Variants in PIK3C3 observed in about 807,000 individuals in gnomAD.
The protein encoded by PIK3C3 is phosphatidylinositol 3-kinase catalytic subunit type 3, also known as PI3-kinase type 3.
A neutral mutation model predicts 126.1 loss-of-function variants in PIK3C3; 95 were observed. The observed-to-expected ratio is 0.75, with a 90% CI of 0.64 to 0.89. PIK3C3 has a LOEUF of 0.89. PIK3C3 is among the 40% of genes least tolerant of loss of function. The pLI is 0.00. For synonymous variants in PIK3C3, 374 were observed against 360.0 expected, an observed-to-expected ratio of 1.04 and a Z score of -0.44; for missense variants, 829 against 1,063.2, an observed-to-expected ratio of 0.78 and a Z score of 3.06.
intron 4 of PIK3C3, chr18:41,970,702 C>G (rs1044279142): frequency 6.6e-5 from 39 of 595,278 alleles, no homozygotes; most frequent in Non-Finnish European, 9.8e-5. Flanking sequence ...ATTTTTTCAT[C>G]ACCCCTAAAA....
At chr18:41,984,005 C>T (rs1180784641) in intron 4 of PIK3C3, among the ~76,000 whole-genome samples, 2 of 150,300 alleles carry the variant, frequency 1.3e-5, no homozygotes, top group Admixed American at 1.3e-4. Flanking sequence ...TTGTGACTTC[C>T]TGTGAATTCT....
rs561525258 is a variant in PIK3C3, at chr18:41,957,462, G to A, written c.69-108G>A. On this transcript the variant is annotated intron_variant, in intron 1 of 24. Transcript: ENST00000262039. ...CAAAGGTAAACTTTTTAGTACTTAT[G>A]CATATATGTACATGCTTAAAGCATA... 109 of 1,017,342 alleles carry A rather than the reference G, an allele frequency of 1.1e-4. No individual in the cohort carries two copies. In the African/African-American group the frequency reaches 1.8e-3, roughly 17 times the overall value. The allele number at this position is 1,017,342 out of a possible 1,614,324, so 63.0% of individuals were successfully genotyped here.
rs146924317 is a variant in PIK3C3, at chr18:42,069,853, A to G, written c.2649+2340A>G. Among the ~76,000 whole-genome samples, 1,480 of 152,330 alleles carry G rather than the reference A, an allele frequency of 9.7e-3. 16 individuals are homozygous for G. Among genetic ancestry groups the G allele is most frequent in the African/African-American group, 0.034 (1,407 of 41,566 alleles). On this transcript the variant is annotated intron_variant, in intron 24 of 24. Transcript: ENST00000262039. ...CCTAACACTGATTTCAGTAATCTAT[A>G]GCTACACAAGCATCTCCAGACTTAG...
At chr18:42,017,654 G>A (rs1373563166) in intron 12 of PIK3C3, among the ~76,000 whole-genome samples, 1 of 151,982 alleles carries the variant, frequency 6.6e-6, no homozygotes, top group Non-Finnish European at 1.5e-5. Context: ...CTTTATCACT[G>A]TTTGGTAACC....
At chr18:41,999,791 G>A (rs1400498875) in intron 9 of PIK3C3, among the ~76,000 whole-genome samples, 1 of 152,142 alleles carries the variant, frequency 6.6e-6, no homozygotes, top group African/African-American at 2.4e-5. Flanking sequence ...CATGAGGAAG[G>A]TTTCACAGAA....
intron 13 of PIK3C3, among the ~76,000 whole-genome samples, chr18:42,021,958 A>G (rs535304527): frequency 2.0e-5 from 3 of 152,262 alleles, no homozygotes; most frequent in Non-Finnish European, 4.4e-5. Flanking sequence ...ATGATGAGGT[A>G]TTTTGCTTTT....
At chr18:41,957,806 T>C in intron 2 of PIK3C3, 48 bp downstream of exon 2, 1 of 1,363,782 alleles carries the variant, frequency 7.3e-7, no homozygotes, top group South Asian at 1.4e-5. Context: ...TTCTTACCTT[T>C]CTTTATGGAT....
At chr18:41,996,461 T>G (rs1040941760) in intron 8 of PIK3C3, among the ~76,000 whole-genome samples, 177 bp from the exon 9 acceptor site, 1 of 152,160 alleles carries the variant, frequency 6.6e-6, no homozygotes, top group Non-Finnish European at 1.5e-5. Context: ...TTAAACTGCA[T>G]TTTGGACACA....
rs531011937 is a variant in PIK3C3, at chr18:42,038,466, C to T, written c.1969-315C>T. Reference sequence around the variant, plus strand: ...AAGCAATTCTCCTGCCTCAGCCTCCCGAGTAGTTGGGACTACAGGCATGCA... The same window carrying T: ...AAGCAATTCTCCTGCCTCAGCCTCCTGAGTAGTTGGGACTACAGGCATGCA... On this transcript the variant is annotated intron_variant, in intron 17 of 24. Coordinates refer to ENST00000262039, the MANE Select transcript of PIK3C3 (RefSeq NM_002647.4). Among the ~76,000 whole-genome samples the T allele has an allele frequency of 3.3e-4, 50 of 152,068 alleles. No individual in the cohort carries two copies. In the South Asian group the frequency reaches 6.2e-3, roughly 19 times the overall value.
chr18:41,981,905 G>T (rs1981222306), intron 4 of PIK3C3, among the ~76,000 whole-genome samples: 1 of 151,710 alleles, frequency 6.6e-6, no homozygotes, highest in African/African-American at 2.4e-5. Flanking sequence ...AATCTCTTCA[G>T]CCTGGGAGGC....
intron 4 of PIK3C3, among the ~76,000 whole-genome samples, chr18:41,973,622 G>C (rs1980775788): frequency 6.6e-6 from 1 of 152,022 alleles, no homozygotes; most frequent in African/African-American, 2.4e-5. Context: ...TGCCACAATA[G>C]TGTCTGCTGT....
chr18:42,042,689 A>G (rs1598924873), intron 19 of PIK3C3, among the ~76,000 whole-genome samples: 1 of 152,348 alleles, frequency 6.6e-6, no homozygotes. Context: ...TTGGCTGCAC[A>G]TCTGATCTGT....
chr18:42,015,818 T>G (rs1192964620), intron 12 of PIK3C3, among the ~76,000 whole-genome samples: 1 of 152,202 alleles, frequency 6.6e-6, no homozygotes, highest in Non-Finnish European at 1.5e-5. Flanking sequence ...AAACTAGGCT[T>G]AAATATTTTA....
At chr18:42,036,869 T>C (rs892024934) in intron 16 of PIK3C3, among the ~76,000 whole-genome samples, 13 of 152,140 alleles carry the variant, frequency 8.5e-5, no homozygotes, top group Admixed American at 1.3e-4. Flanking sequence ...CTGAAACTTT[T>C]TGAGTGCTGA....
At chr18:42,019,883 A>G (rs1228403338) in intron 12 of PIK3C3, among the ~76,000 whole-genome samples, 2 of 152,158 alleles carry the variant, frequency 1.3e-5, no homozygotes, top group African/African-American at 4.8e-5. Context: ...CAATCCAGAA[A>G]TTTGGGAGTT....
intron 13 of PIK3C3, among the ~76,000 whole-genome samples, chr18:42,024,825 AT>A (rs1983484618): frequency 7.2e-6 from 1 of 138,426 alleles, no homozygotes; most frequent in East Asian, 2.2e-4. Context: ...TTTTTTTGAG[AT>A]GGAGTCTTGC....
chr18:41,976,382 T>C (rs1208739449), intron 4 of PIK3C3, among the ~76,000 whole-genome samples: 1 of 152,094 alleles, frequency 6.6e-6, no homozygotes, highest in Non-Finnish European at 1.5e-5. Context: ...AAAAAAATTG[T>C]ATTACTAAGT....
intron 13 of PIK3C3, among the ~76,000 whole-genome samples, chr18:42,021,756 A>C (rs1375022987): frequency 1.3e-5 from 2 of 152,198 alleles, no homozygotes; most frequent in Non-Finnish European, 2.9e-5. Flanking sequence ...AATGCTCCAA[A>C]ATCCAAAACT....
rs752823744 is a variant in PIK3C3 at position 41,987,815 on chromosome 18, A to T, written c.535A>T (p.Thr179Ser). 3.7e-6 allele frequency: 6 copies of T among 1,603,976 alleles called. No homozygotes were observed. The African/African-American group carries it at 6.7e-5, about 18-fold the overall frequency. ...CGTCATTGTATTTATTCTGCAGCTCACCAAAGCTCATCGACAAGGACACAT... is the reference window on the plus strand; with the variant it reads ...CGTCATTGTATTTATTCTGCAGCTCTCCAAAGCTCATCGACAAGGACACAT... Reference protein sequence around the residue: ...EDQMSRLAKLTKAHRQGHMVK... With the variant: ...EDQMSRLAKLSKAHRQGHMVK... The change falls in exon 5 of 25, where the codon ACC becomes TCC. Residue 179 changes from threonine to serine, a missense_variant. Physicochemically the swap from Thr to Ser is moderately conservative, Grantham distance 58 (BLOSUM62 1). Transcript: ENST00000262039.
Sources: gnomAD v4.1 joint callset for allele counts (sites outside exome capture counted in the v4.1 genomes callset) on GRCh38, gnomAD v4.1.1 for gene constraint, MANE v1.5 for transcripts, NCBI Gene and HGNC (gene_info 2026-07-23, HGNC 2026-07-21) for gene names.